CCNF: variants seen among roughly 807,000 people sequenced by gnomAD.
CCNF encodes the protein cyclin-F.
A neutral mutation model predicts 85.4 loss-of-function variants in CCNF; 30 were observed. The observed-to-expected ratio is 0.35, with a 90% CI of 0.26 to 0.48. The LOEUF is 0.48. Ranked by LOEUF, CCNF falls within the 20% of genes least tolerant of loss-of-function variation. CCNF has a pLI of 0.99. For missense variants in CCNF, 919 were observed against 1,010.4 expected (o/e 0.91, Z 1.23); for synonymous variants, 439 against 425.1 (o/e 1.03, Z -0.40).
rs538853330 is a variant in CCNF, at chr16:2,436,169, G to C, written c.346+296G>C. ...AGCACGGGGGCTGTTTGGGCTCCCTGCCCTGTGCGCCATGAGCACGCAGAC... is the reference window on the plus strand; with the variant it reads ...AGCACGGGGGCTGTTTGGGCTCCCTCCCCTGTGCGCCATGAGCACGCAGAC... On this transcript the variant is annotated intron_variant, in intron 4 of 16. Transcript: ENST00000397066. 14 of 323,512 alleles carry C rather than the reference G, an allele frequency of 4.3e-5. 1 individual carries two copies. In the South Asian group the frequency reaches 6.0e-4, roughly 14 times the overall value. 20.0% of individuals were successfully genotyped at this position (323,512 alleles called of 1,614,324 possible). A position where few individuals can be genotyped will look rare whatever the true frequency, so the allele number is the denominator to read the frequency against.
chr16:2,441,972 T>TGAGCCCA lies in CCNF; in HGVS notation c.778-1677_778-1676insGAGCCCA, dbSNP rs1567385706. Among the ~76,000 whole-genome samples, 3 of 134,510 alleles carry TGAGCCCA rather than the reference T, an allele frequency of 2.2e-5. No homozygotes were observed. In the East Asian group the frequency reaches 6.7e-4, roughly 30 times the overall value. The allele number at this position is 134,510 out of a possible 152,430, so 88.2% of individuals were successfully genotyped here. On this transcript the variant is annotated intron_variant, in intron 8 of 16. Transcript: ENST00000397066. Reference sequence around the variant, plus strand: ...ATATATATATATATATATATATATATATATATATATGTTTTTGTTTTTGTT... The same window carrying TGAGCCCA: ...ATATATATATATATATATATATATATGAGCCCAATATATATATGTTTTTGTTTTTGTT...
rs1420600435 is a variant in CCNF at position 2,456,598 on chromosome 16, C to G, written c.1939C>G (p.Gln647Glu). ...CACCGTGGTCTACCTGAACCCAGAA[C>G]AGCATTGCTGCCAGGAATCCAGTGA... ...DVTVVYLNPE[Q>E]HCCQESSDEE... The change falls in exon 17 of 17, where the codon CAG becomes GAG. Residue 647 changes from glutamine (Q) to glutamate (E), a missense_variant. By Grantham distance (29) the Gln-to-Glu change is conservative. Coordinates refer to ENST00000397066, the MANE Select transcript of CCNF (RefSeq NM_001761.3). This position sits in a 1 kb window ranked among gnomAD's most constrained non-coding sequence, Gnocchi z 4.5. 6 of 1,595,306 alleles carry G rather than the reference C, an allele frequency of 3.8e-6. No homozygotes were observed. The South Asian group carries it at 4.5e-5, about 12-fold the overall frequency.
intron 11 of CCNF, 64 bp from the exon 12 acceptor site, chr16:2,449,218 C>T (rs756862863): frequency 1.8e-5 from 28 of 1,564,558 alleles, no homozygotes; most frequent in Non-Finnish European, 2.3e-5. Context: ...GCTGGGCCTG[C>T]ATGCGGCACT....
chr16:2,443,517 G>A, intron 8 of CCNF, 132 bp from the exon 9 acceptor site: 1 of 733,930 alleles, frequency 1.4e-6, no homozygotes, highest in Admixed American at 2.5e-5. Flanking sequence ...TGTTCCCGAA[G>A]CTTGTGAAGG....
chr16:2,455,079 A>C (rs1404176951), intron 15 of CCNF, among the ~76,000 whole-genome samples: 2 of 151,546 alleles, frequency 1.3e-5, no homozygotes, highest in East Asian at 3.9e-4. Flanking sequence ...AAAAAAAAAA[A>C]AAACACTGGA....
Position 2,448,852 on chromosome 16 carries a change from C to T in CCNF, c.1095-3C>T, listed in dbSNP as rs1479509644. 8.7e-6 allele frequency: 14 copies of T among 1,613,322 alleles called. No homozygotes were observed. The highest frequency in any genetic ancestry group is 1.3e-5 in the African/African-American group (1 of 74,910). On this transcript the variant is annotated splice_region_variant and splice_polypyrimidine_tract_variant and intron_variant, in intron 10 of 16. Transcript: ENST00000397066. ...ACCCTGAGACCCCTTCTCGGCGTTG[C>T]AGGTTTATCAGTAAAGAGATCCTGA...
At chr16:2,450,270 C>T (rs1383562186) in intron 13 of CCNF, among the ~76,000 whole-genome samples, 4 of 138,550 alleles carry the variant, frequency 2.9e-5, no homozygotes, top group African/African-American at 8.3e-5. Context: ...GAGGCCAAAG[C>T]GGGCGGATCA....
At chr16:2,447,275 C>CT (rs537679553) in intron 10 of CCNF, among the ~76,000 whole-genome samples, 1,993 of 141,596 alleles carry the variant, frequency 0.014, 17 homozygotes, top group Non-Finnish European at 0.02. Flanking sequence ...GCCTTATTAT[C>CT]TTTTTTTTTT....
chr16:2,454,994 A>G (rs994514326), intron 15 of CCNF, among the ~76,000 whole-genome samples: 33 of 137,118 alleles, frequency 2.4e-4, no homozygotes, highest in Admixed American at 4.0e-4. Context: ...CGGGAGGTGG[A>G]GGTTGCAGTG....
At chr16:2,443,898 G>GCA in intron 9 of CCNF, 98 bp downstream of exon 9, 1 of 1,150,248 alleles carries the variant, frequency 8.7e-7, no homozygotes, top group East Asian at 2.4e-5. Flanking sequence ...ACCTGTGACA[G>GCA]GGCGGCATAG....
chr16:2,430,985 G>A (rs1478265561), intron 1 of CCNF, 145 bp from the exon 2 acceptor site: 1 of 865,408 alleles, frequency 1.2e-6, no homozygotes, highest in Non-Finnish European at 2.0e-6. Context: ...GGGACAAGAA[G>A]CATAGTTCCA....
At chr16:2,447,789 C>G (rs151214953) in intron 10 of CCNF, among the ~76,000 whole-genome samples, 2 of 152,092 alleles carry the variant, frequency 1.3e-5, no homozygotes, top group African/African-American at 2.4e-5. Context: ...AGCTGCCCCC[C>G]ACCTCTGCTC....
At chr16:2,431,039 A>T (rs1313614119) in intron 1 of CCNF, 91 bp from the exon 2 acceptor site, 1 of 1,285,614 alleles carries the variant, frequency 7.8e-7, no homozygotes. Flanking sequence ...TCATCTTCAG[A>T]TGTAACTTTT....
chr16:2,436,395 A>G (rs922793722), intron 4 of CCNF: 2 of 152,790 alleles, frequency 1.3e-5, no homozygotes, highest in African/African-American at 4.8e-5. Flanking sequence ...TTCTTCTACC[A>G]GTTAACTGCT....
rs1299675775 is a variant in CCNF, at chr16:2,453,723, C to A, written c.1715+186C>A. ...CGGGCCCCTGCGTAACCTCCACTGT[C>A]TCCAGCCCAGGTCTCCTTCCTCAGA... On this transcript the variant is annotated intron_variant, in intron 15 of 16. Transcript: ENST00000397066. The surrounding 1 kb of genome is among the most constrained non-coding windows in gnomAD (Gnocchi z 5.6). Among the ~76,000 whole-genome samples, 1 of 152,214 alleles carries A rather than the reference C, an allele frequency of 6.6e-6. No individual in the cohort carries two copies. Among genetic ancestry groups the A allele is most frequent in the Non-Finnish European group, 1.5e-5 (1 of 68,044 alleles).
At chr16:2,434,578 T>G (rs1282259392) in intron 3 of CCNF, among the ~76,000 whole-genome samples, 1 of 152,200 alleles carries the variant, frequency 6.6e-6, no homozygotes, top group East Asian at 1.9e-4. Flanking sequence ...ACCACTGCAC[T>G]CCAGCCTGAG....
Position 2,453,687 on chromosome 16 carries a change from C to CA in CCNF, c.1715+151dup. On this transcript the variant is annotated intron_variant, in intron 15 of 16. Transcript: ENST00000397066. The surrounding 1 kb of genome is among the most constrained non-coding windows in gnomAD (Gnocchi z 5.6). ...ACAGTGACCCTGGGACGGAGCCCTG[C>CA]AGTCATGCCTCGGGCCCCTGCGTAA... The CA allele has an allele frequency of 9.7e-7, 1 of 1,026,698 alleles. No homozygotes were observed. The highest frequency in any genetic ancestry group is 1.4e-6 in the Non-Finnish European group (1 of 701,856). 63.6% of individuals were successfully genotyped at this position (1,026,698 alleles called of 1,614,324 possible).
chr16:2,448,994 A>G lies in CCNF; in HGVS notation c.1218+16A>G, dbSNP rs769410689. 4 of 1,392,206 alleles carry G rather than the reference A, an allele frequency of 2.9e-6. No homozygotes were observed. The highest frequency in any genetic ancestry group is 4.0e-6 in the Non-Finnish European group (4 of 988,476). 86.2% of individuals were successfully genotyped at this position (1,392,206 alleles called of 1,614,324 possible). ...GAAGATTCGAGTAAGCAGCGGTTCCATTTTCCTTATTAATCTTCGTTGTCG... is the reference window on the plus strand; with the variant it reads ...GAAGATTCGAGTAAGCAGCGGTTCCGTTTTCCTTATTAATCTTCGTTGTCG... On this transcript the variant is annotated intron_variant, in intron 11 of 16. Coordinates refer to ENST00000397066, the MANE Select transcript of CCNF (RefSeq NM_001761.3).
intron 3 of CCNF, among the ~76,000 whole-genome samples, 178 bp from the exon 4 acceptor site, chr16:2,435,628 C>T (rs75733444): frequency 3.8e-3 from 40 of 10,420 alleles, no homozygotes; most frequent in African/African-American, 0.021. Flanking sequence ...CACACACACA[C>T]ATATATATGC....
Sources: gnomAD v4.1 joint callset for allele counts (sites outside exome capture counted in the v4.1 genomes callset) on GRCh38, gnomAD v4.1.1 for gene constraint, Gnocchi (gnomAD v3.1) non-coding constraint, MANE v1.5 for transcripts, NCBI Gene and HGNC (gene_info 2026-07-23, HGNC 2026-07-21) for gene names.